Variants in C12orf56 observed in about 807,000 individuals in gnomAD.
C12orf56 encodes chromosome 12 open reading frame 56, also known as uncharacterized protein C12orf56.
A neutral mutation model predicts 69.9 loss-of-function variants in C12orf56; 71 were observed. The observed-to-expected ratio is 1.02, with a 90% CI of 0.84 to 1.24. The LOEUF is 1.24. C12orf56 is among the 50% of genes most tolerant of loss of function. C12orf56 has a pLI of 0.00. For synonymous variants in C12orf56, 276 were observed against 274.1 expected, an observed-to-expected ratio of 1.01 and a Z score of -0.07; for missense variants, 732 against 738.5, an observed-to-expected ratio of 0.99 and a Z score of 0.10.
chr12:64,287,206 T>A (rs539485943), intron 6 of C12orf56, among the ~76,000 whole-genome samples: 1 of 136,260 alleles, frequency 7.3e-6, no homozygotes, highest in African/African-American at 2.8e-5. Context: ...ATTGCGCCAC[T>A]GCACTCCAGA....
At chr12:64,368,855 TTCC>T (rs1330460557) in intron 1 of C12orf56, among the ~76,000 whole-genome samples, 5 of 152,272 alleles carry the variant, frequency 3.3e-5, no homozygotes, top group Non-Finnish European at 7.4e-5. Context: ...TGACATTGAT[TTCC>T]TCATGTGTAA....
intron 9 of C12orf56, 48 bp downstream of exon 9, chr12:64,277,632 C>CTATATATATATATA: frequency 1.1e-6 from 1 of 936,700 alleles, no homozygotes; most frequent in Non-Finnish European, 1.4e-6. Flanking sequence ...GCCAGGGCCC[C>CTATATATATATATA]TATATATATA....
In C12orf56 at chr12:64,299,869, C is replaced by T. The variant is rs185089644; in HGVS notation, c.1113+3766G>A. Among the ~76,000 whole-genome samples the T allele has an allele frequency of 3.4e-4, 52 of 151,890 alleles. 1 individual carries two copies. Among genetic ancestry groups the T allele is most frequent in the South Asian group, 6.3e-4 (3 of 4,758 alleles). ...TGTCATAGAACTACATTGTTCAACT[C>T]GGTAGCTACTGCCCACAAGTGTCTA... On this transcript the variant is annotated intron_variant, in intron 6 of 12. Coordinates refer to ENST00000543942, the MANE Select transcript of C12orf56 (RefSeq NM_001170633.2).
intron 2 of C12orf56, among the ~76,000 whole-genome samples, chr12:64,343,753 G>T (rs1383926504): frequency 6.6e-6 from 1 of 152,216 alleles, no homozygotes; most frequent in Non-Finnish European, 1.5e-5. Context: ...TCAAGTCCTT[G>T]ATGGTAGCAC....
At chr12:64,304,937 A>C (rs1428283004) in intron 5 of C12orf56, among the ~76,000 whole-genome samples, 1 of 152,130 alleles carries the variant, frequency 6.6e-6, no homozygotes, top group Non-Finnish European at 1.5e-5. Flanking sequence ...GGAATCTTAA[A>C]ATTTCTGACT....
At chr12:64,338,512 C>T (rs1565763332) in intron 2 of C12orf56, 1 of 1,134,208 alleles carries the variant, frequency 8.8e-7, no homozygotes, top group Non-Finnish European at 1.3e-6. Context: ...GCAACTGGTA[C>T]AAACCTGTGG....
In C12orf56 at chr12:64,267,071, G is replaced by T; in HGVS notation, c.*112C>A. ...ATTCAATTAAAATCTTTGTTTATAG[G>T]ACTCAGAGATAGCCAGATATTAAAC... On this transcript the variant is annotated 3_prime_UTR_variant, in exon 13 of 13. Coordinates refer to ENST00000543942, the MANE Select transcript of C12orf56 (RefSeq NM_001170633.2). 2 of 714,454 alleles carry T rather than the reference G, an allele frequency of 2.8e-6. No individual in the cohort carries two copies. The highest frequency in any genetic ancestry group is 2.9e-5 in the East Asian group (1 of 35,022). 44.3% of individuals were successfully genotyped at this position (714,454 alleles called of 1,614,324 possible).
Position 64,277,680 on chromosome 12 carries a change from C to T in C12orf56, c.1434G>A (p.Glu478=). The T allele has an allele frequency of 6.5e-7, 1 of 1,531,018 alleles. No individual in the cohort carries two copies. The highest frequency in any genetic ancestry group is 8.8e-7 in the Non-Finnish European group (1 of 1,136,022). 94.8% of individuals were successfully genotyped at this position (1,531,018 alleles called of 1,614,324 possible). ...SALVRMSFDA[E]LQKLILEYTN... is the part of the protein sequence containing the mutation. Reference sequence around the variant, plus strand: ...TTTACCCCCCAAATTCTCATCTCACCTCAGCGTCAAAAGACATTCTGACTA... The same window carrying T: ...TTTACCCCCCAAATTCTCATCTCACTTCAGCGTCAAAAGACATTCTGACTA... The change falls in exon 9 of 13, where the codon GAG becomes GAA. Residue 478 remains glutamate (E), a splice_region_variant and synonymous_variant. Coordinates refer to ENST00000543942, the MANE Select transcript of C12orf56 (RefSeq NM_001170633.2).
Position 64,274,902 on chromosome 12 carries a change from A to T in C12orf56, c.1583T>A (p.Ile528Asn). The T allele has an allele frequency of 6.2e-7, 1 of 1,606,304 alleles. No individual in the cohort carries two copies. Among genetic ancestry groups the T allele is most frequent in the Non-Finnish European group, 8.5e-7 (1 of 1,173,238 alleles). Residue 528 changes from isoleucine (I) to asparagine (N), a missense_variant and splice_region_variant, in exon 11 of 13, where the codon ATC becomes AAC. Coordinates refer to ENST00000543942, the MANE Select transcript of C12orf56 (RefSeq NM_001170633.2). ...TCGTTTTGACTTCTAGATACTTACGATGGGAGGACAGCTTTGTAGAAAGGA... is the reference window on the plus strand; with the variant it reads ...TCGTTTTGACTTCTAGATACTTACGTTGGGAGGACAGCTTTGTAGAAAGGA... ...IMSFLQSCPPIITFVASIVKQ... is the reference protein window; with the variant it reads ...IMSFLQSCPPNITFVASIVKQ...
At chr12:64,297,331 CA>C (rs1295410701) in intron 6 of C12orf56, among the ~76,000 whole-genome samples, 1 of 151,990 alleles carries the variant, frequency 6.6e-6, no homozygotes, top group Non-Finnish European at 1.5e-5. Flanking sequence ...GGGATAGGGC[CA>C]AGGGGGACTC....
At chr12:64,267,933 C>T (rs756566137) in intron 12 of C12orf56, among the ~76,000 whole-genome samples, 8 of 152,048 alleles carry the variant, frequency 5.3e-5, no homozygotes, top group Admixed American at 1.3e-4. Context: ...AGATGTGTTT[C>T]GGATTTCAGA....
At chr12:64,335,641 T>C (rs901290040) in intron 2 of C12orf56, among the ~76,000 whole-genome samples, 8 of 152,152 alleles carry the variant, frequency 5.3e-5, no homozygotes, top group Non-Finnish European at 1.2e-4. Context: ...AGATCAGCCT[T>C]GGCAATTCAA....
rs778077853 is a variant in C12orf56 at position 64,267,217 on chromosome 12, T to C, written c.1835A>G (p.Gln612Arg). The change falls in exon 13 of 13, where the codon CAA (glutamine) becomes CGA (arginine). Residue 612 changes from glutamine to arginine, a missense_variant. Transcript: ENST00000543942. ...LCYPITQPTI[Q>R]LFHEVLKLVE ...CAATTTCAGAACTTCATGAAAAAGT[T>C]GAATGGTAGGTTGAGTGATGGGGTA... The C allele has an allele frequency of 6.2e-7, 1 of 1,611,976 alleles. No homozygotes were observed. The highest frequency in any genetic ancestry group is 1.1e-5 in the South Asian group (1 of 90,376).
intron 1 of C12orf56, among the ~76,000 whole-genome samples, chr12:64,353,844 G>C (rs1282887051): frequency 6.6e-6 from 1 of 152,092 alleles, no homozygotes; most frequent in Non-Finnish European, 1.5e-5. Context: ...ATCACGCCCA[G>C]CTAATTTTTG....
intron 6 of C12orf56, among the ~76,000 whole-genome samples, chr12:64,287,011 CA>C (rs1273894772): frequency 1.3e-5 from 2 of 151,940 alleles, no homozygotes; most frequent in Admixed American, 1.3e-4. Flanking sequence ...CCGAGGTGGG[CA>C]GATCACTTGA....
At chr12:64,357,217 G>C (rs1310473266) in intron 1 of C12orf56, among the ~76,000 whole-genome samples, 1 of 152,044 alleles carries the variant, frequency 6.6e-6, no homozygotes. Flanking sequence ...AGTCCAAAGA[G>C]ATGTTCAGTG....
intron 1 of C12orf56, among the ~76,000 whole-genome samples, chr12:64,382,304 A>C (rs2039730445): frequency 6.6e-6 from 1 of 151,898 alleles, no homozygotes; most frequent in South Asian, 2.1e-4. Flanking sequence ...ATGACATTTT[A>C]AAACACCTAA....
At chr12:64,293,027 G>A (rs566060357) in intron 6 of C12orf56, among the ~76,000 whole-genome samples, 358 of 151,518 alleles carry the variant, frequency 2.4e-3, no homozygotes, top group Non-Finnish European at 3.4e-3. Context: ...AGGACCCTCC[G>A]AGCCAGGTGT....
At chr12:64,386,383 T>TA (rs1428454932) in intron 1 of C12orf56, among the ~76,000 whole-genome samples, 29 of 102,142 alleles carry the variant, frequency 2.8e-4, no homozygotes, top group East Asian at 2.4e-3. Context: ...CTGGCTAATT[T>TA]TTATATATAT....
Sources: gnomAD v4.1 joint callset for allele counts (sites outside exome capture counted in the v4.1 genomes callset) on GRCh38, gnomAD v4.1.1 for gene constraint, MANE v1.5 for transcripts, NCBI Gene and HGNC (gene_info 2026-07-23, HGNC 2026-07-21) for gene names.